The following SYT16 variants were observed in gnomAD, a reference collection of about 807,000 sequenced individuals.
SYT16 encodes synaptotagmin-16.
Under a neutral mutation model 61.4 loss-of-function variants are expected in SYT16, and 42 were observed. The ratio of observed to expected loss-of-function variants is 0.68; its 90% CI spans 0.53 to 0.89. The LOEUF is 0.89. Ranked by LOEUF, SYT16 falls within the 40% of genes least tolerant of loss-of-function variation. The pLI is 0.00. For synonymous variants in SYT16, 314 were observed against 302.3 expected, an observed-to-expected ratio of 1.04 and a Z score of -0.40; for missense variants, 804 against 807.3, an observed-to-expected ratio of 1.00 and a Z score of 0.05.
intron 1 of SYT16, among the ~76,000 whole-genome samples, chr14:61,899,907 C>T (rs886892327): frequency 6.6e-6 from 1 of 152,018 alleles, no homozygotes; most frequent in African/African-American, 2.4e-5. Flanking sequence ...AAAAAGTTCC[C>T]CTTTCTTGGT....
At chr14:61,864,892 C>T (rs1231216794) in intron 1 of SYT16, 7 of 1,234,100 alleles carry the variant, frequency 5.7e-6, no homozygotes, top group South Asian at 1.3e-5. Context: ...TGACCAACTG[C>T]GCGGATGGCG....
intron 3 of SYT16, among the ~76,000 whole-genome samples, chr14:62,049,014 C>T (rs535276619): frequency 1.8e-4 from 27 of 152,110 alleles, no homozygotes; most frequent in Non-Finnish European, 3.1e-4. Context: ...GAGCTGAGTT[C>T]AATTCCTGGA....
intron 1 of SYT16, among the ~76,000 whole-genome samples, chr14:61,969,019 T>C (rs2051433049): frequency 6.6e-6 from 1 of 152,212 alleles, no homozygotes; most frequent in Admixed American, 6.5e-5. Context: ...TATCATTTAT[T>C]TCTTTATCTT....
At chr14:62,010,988 T>C (rs561649137) in intron 3 of SYT16, among the ~76,000 whole-genome samples, 4 of 152,344 alleles carry the variant, frequency 2.6e-5, no homozygotes, top group Non-Finnish European at 5.9e-5. Flanking sequence ...AATCAGTTTG[T>C]ACATGAACCA....
intron 1 of SYT16, chr14:61,831,948 T>C: frequency 1.8e-6 from 1 of 551,108 alleles, no homozygotes; most frequent in South Asian, 1.7e-5. Flanking sequence ...CCTCTTGGTC[T>C]GCATGGGCAC....
At chr14:61,854,444 G>A (rs925511791) in intron 1 of SYT16, among the ~76,000 whole-genome samples, 20 of 152,198 alleles carry the variant, frequency 1.3e-4, no homozygotes, top group African/African-American at 4.1e-4. Flanking sequence ...GCGCACGCGC[G>A]TGCACATGCT....
intron 7 of SYT16, among the ~76,000 whole-genome samples, chr14:62,098,334 G>GGA (rs1326714104): frequency 1.1e-4 from 17 of 152,312 alleles, no homozygotes; most frequent in African/African-American, 4.1e-4. Flanking sequence ...TGAGTTTTAA[G>GGA]GAGAATAATG....
At chr14:61,851,538 GCATCCC>G (rs1325008260) in intron 1 of SYT16, among the ~76,000 whole-genome samples, 1 of 152,162 alleles carries the variant, frequency 6.6e-6, no homozygotes, top group African/African-American at 2.4e-5. Context: ...TAGTGTAAAA[GCATCCC>G]TTTTCCTCCA....
Position 61,846,090 on chromosome 14 carries a change from A to T in SYT16, c.-325+33280A>T, listed in dbSNP as rs144014858. 4.9e-3 allele frequency among the ~76,000 whole-genome samples: 746 copies of T among 152,296 alleles called. 8 individuals are homozygous for T. Among genetic ancestry groups the T allele is most frequent in the African/African-American group, 0.017 (692 of 41,578 alleles). On this transcript the variant is annotated intron_variant, in intron 1 of 7. Coordinates refer to ENST00000683842, the MANE Select transcript of SYT16 (RefSeq NM_001367656.1). ...TGTTTTTTGACCTAACATATGGTCT[A>T]TTCATGTGCTGGGGAAAAGAATGTG...
rs768477692 is a variant in SYT16, at chr14:62,081,244, T to A, written c.1404T>A (p.Thr468=). Residue 468 remains threonine (T), a synonymous_variant, in exon 6 of 8, where the codon ACT becomes ACA. Coordinates refer to ENST00000683842, the MANE Select transcript of SYT16 (RefSeq NM_001367656.1). ...HLHPEGEMKV[T]LVLEPRSNIS... is the part of the protein sequence containing the mutation. Reference sequence around the variant, plus strand: ...ACCCAGAAGGGGAAATGAAAGTGACTCTGGTTCTGGAGCCAAGAAGTAATA... The same window carrying A: ...ACCCAGAAGGGGAAATGAAAGTGACACTGGTTCTGGAGCCAAGAAGTAATA... The A allele has an allele frequency of 1.9e-6, 3 of 1,613,910 alleles. No individual in the cohort carries two copies. In the Admixed American group the frequency reaches 5.0e-5, roughly 27 times the overall value.
rs933209029 is a variant in SYT16, at chr14:62,103,880, T to G, written c.*3173T>G. On this transcript the variant is annotated 3_prime_UTR_variant, in exon 8 of 8. Coordinates refer to ENST00000683842, the MANE Select transcript of SYT16 (RefSeq NM_001367656.1). ...GCTTTAGGCACTATTAATTCTGACA[T>G]CCTTCATTGAAAATTAACTGACATC... The G allele has an allele frequency of 4.6e-5, 7 of 152,332 alleles. No individual in the cohort carries two copies. Among genetic ancestry groups the G allele is most frequent in the Admixed American group, 3.9e-4 (6 of 15,298 alleles). The allele number at this position is 152,332 out of a possible 1,614,324, so 9.4% of individuals were successfully genotyped here. A position where few individuals can be genotyped will look rare whatever the true frequency, so the allele number is the denominator to read the frequency against.
intron 3 of SYT16, among the ~76,000 whole-genome samples, chr14:62,034,966 A>G (rs1378131357): frequency 6.6e-6 from 1 of 152,190 alleles, no homozygotes; most frequent in Non-Finnish European, 1.5e-5. Flanking sequence ...CTGAGGGTGG[A>G]TTTGACTGAG....
intron 1 of SYT16, among the ~76,000 whole-genome samples, chr14:61,894,049 C>G (rs2048234295): frequency 6.6e-6 from 1 of 152,132 alleles, no homozygotes; most frequent in South Asian, 2.1e-4. Context: ...TTTGGGAGGC[C>G]AAGGCGGGCA....
chr14:61,955,994 A>G (rs1436930833), intron 1 of SYT16, among the ~76,000 whole-genome samples: 3 of 151,654 alleles, frequency 2.0e-5, no homozygotes, highest in East Asian at 1.9e-4. Context: ...TTCTTTCATA[A>G]TGGTCATTCT....
At chr14:61,941,977 ATCAG>A (rs1204934543) in intron 1 of SYT16, among the ~76,000 whole-genome samples, 2 of 152,242 alleles carry the variant, frequency 1.3e-5, no homozygotes, top group African/African-American at 4.8e-5. Context: ...AATATTACTC[ATCAG>A]TCAAACAAAT....
At chr14:61,874,017 A>G (rs1193022715) in intron 1 of SYT16, among the ~76,000 whole-genome samples, 1 of 152,222 alleles carries the variant, frequency 6.6e-6, no homozygotes, top group African/African-American at 2.4e-5. Flanking sequence ...TACTCAGAAA[A>G]ATACTCAGAT....
intron 3 of SYT16, among the ~76,000 whole-genome samples, chr14:62,016,510 GGT>G (rs1444093240): frequency 6.9e-6 from 1 of 144,676 alleles, no homozygotes; most frequent in Admixed American, 7.1e-5. Flanking sequence ...TGGCTAACAC[GGT>G]GTGAAACCCT....
At chr14:62,017,782 G>T (rs2053750257) in intron 3 of SYT16, among the ~76,000 whole-genome samples, 1 of 150,878 alleles carries the variant, frequency 6.6e-6, no homozygotes, top group Non-Finnish European at 1.5e-5. Flanking sequence ...GTGCAGTGGT[G>T]CGGTCATAGC....
At chr14:62,079,518 C>A in intron 5 of SYT16, 1 of 222,458 alleles carries the variant, frequency 4.5e-6, no homozygotes, top group Non-Finnish European at 8.1e-6. Context: ...AGTGGTAGGC[C>A]TGGGCTTCCT....
Sources: gnomAD v4.1 joint callset for allele counts (sites outside exome capture counted in the v4.1 genomes callset) on GRCh38, gnomAD v4.1.1 for gene constraint, MANE v1.5 for transcripts, NCBI Gene and HGNC (gene_info 2026-07-23, HGNC 2026-07-21) for gene names.